Variants in TIPIN observed in about 807,000 individuals in gnomAD.
TIPIN encodes TIMELESS-interacting protein.
A neutral mutation model predicts 35.6 loss-of-function variants in TIPIN; 29 were observed. The observed-to-expected ratio is 0.82, with a 90% CI of 0.61 to 1.11. The LOEUF (loss-of-function observed/expected upper bound fraction) is 1.11, where lower values mean the gene tolerates loss of function less well. Ranked by LOEUF, TIPIN falls within the 50% of genes most tolerant of loss-of-function variation. TIPIN has a pLI of 0.00. For synonymous variants in TIPIN, 102 were observed against 121.5 expected (o/e 0.84, Z 1.06); for missense variants, 296 against 345.4 (o/e 0.86, Z 1.13).
intron 1 of TIPIN, chr15:66,366,882 T>C (rs2093257118): frequency 1.0e-6 from 1 of 983,928 alleles, no homozygotes; most frequent in Non-Finnish European, 1.2e-6. Flanking sequence ...GCAACAGTAA[T>C]AAAATTGGAA....
At chr15:66,348,008 C>CT (rs543925918) in intron 6 of TIPIN, among the ~76,000 whole-genome samples, 13,141 of 135,402 alleles carry the variant, frequency 0.097, 1,698 homozygotes, top group African/African-American at 0.29. Context: ...TTCTTTCTTT[C>CT]TTTTTTTTTT....
intron 1 of TIPIN, among the ~76,000 whole-genome samples, chr15:66,384,868 C>T (rs1420806864): frequency 2.6e-5 from 4 of 151,958 alleles, no homozygotes; most frequent in African/African-American, 7.3e-5. Flanking sequence ...GCCAAGGTTG[C>T]GCCATTGCAC....
intron 7 of TIPIN, among the ~76,000 whole-genome samples, chr15:66,337,877 A>C (rs528158759): frequency 1.3e-5 from 2 of 152,096 alleles, no homozygotes; most frequent in Admixed American, 1.3e-4. Context: ...ACCAAAAAAA[A>C]ACAAAAAAAA....
At chr15:66,355,595 A>G (rs2093198798) in intron 1 of TIPIN, among the ~76,000 whole-genome samples, 1 of 151,478 alleles carries the variant, frequency 6.6e-6, no homozygotes, top group African/African-American at 2.4e-5. Context: ...TAAAAATACA[A>G]AAAAAATTAG....
chr15:66,367,228 GTATCTA>G (rs1458157949), intron 1 of TIPIN, among the ~76,000 whole-genome samples: 32 of 31,546 alleles, frequency 1.0e-3, no homozygotes, highest in African/African-American at 2.0e-3. Flanking sequence ...ATCTATATCT[GTATCTA>G]TATCTATATC....
At chr15:66,370,788 AAAG>A (rs1323148294) in intron 1 of TIPIN, among the ~76,000 whole-genome samples, 5 of 152,308 alleles carry the variant, frequency 3.3e-5, no homozygotes, top group Middle Eastern at 6.8e-3. Context: ...TTTCATAATA[AAAG>A]AATAAAAGAT....
chr15:66,349,758 T>C (rs543866063), intron 4 of TIPIN, among the ~76,000 whole-genome samples: 1 of 152,038 alleles, frequency 6.6e-6, no homozygotes, highest in South Asian at 2.1e-4. Context: ...TGTACACCTG[T>C]GGACCCAGCT....
In TIPIN at chr15:66,336,270, C is replaced by T. The variant is rs949171670; in HGVS notation, c.*688G>A. 6.6e-6 allele frequency: 1 copy of T among 152,210 alleles called. No homozygotes were observed. The highest frequency in any genetic ancestry group is 2.4e-5 in the African/African-American group (1 of 41,438). The allele number at this position is 152,210 out of a possible 1,614,324, so 9.4% of individuals were successfully genotyped here. A position where few individuals can be genotyped will look rare whatever the true frequency, so the allele number is the denominator to read the frequency against. ...TATATGTACATCTCAAAACTTCACCCAGGCTGGGCGCGGTGGCTCACACCT... is the reference window on the plus strand; with the variant it reads ...TATATGTACATCTCAAAACTTCACCTAGGCTGGGCGCGGTGGCTCACACCT... On this transcript the variant is annotated 3_prime_UTR_variant, in exon 8 of 8. Coordinates refer to ENST00000261881, the MANE Select transcript of TIPIN (RefSeq NM_017858.3).
At chr15:66,385,190 C>A (rs2093332254) in intron 1 of TIPIN, among the ~76,000 whole-genome samples, 1 of 152,220 alleles carries the variant, frequency 6.6e-6, no homozygotes, top group African/African-American at 2.4e-5. Context: ...ACGGCTAAGA[C>A]TTTGTGTAGG....
intron 7 of TIPIN, among the ~76,000 whole-genome samples, chr15:66,339,375 T>G (rs2093069740): frequency 6.6e-6 from 1 of 151,516 alleles, no homozygotes; most frequent in Non-Finnish European, 1.5e-5. Flanking sequence ...CCTCCCAAAG[T>G]GCTGGGATTA....
At chr15:66,376,452 C>T (rs369605835) in intron 1 of TIPIN, among the ~76,000 whole-genome samples, 145 of 150,952 alleles carry the variant, frequency 9.6e-4, no homozygotes, top group African/African-American at 3.3e-3. Context: ...GTTTTTGAGA[C>T]GGGGTTTTGC....
chr15:66,359,974 C>T (rs1277667796), upstream of TIPIN, among the ~76,000 whole-genome samples: 2 of 152,078 alleles, frequency 1.3e-5, no homozygotes, highest in Non-Finnish European at 2.9e-5. Flanking sequence ...GTGACACAAT[C>T]ATAGCTCACT....
intron 1 of TIPIN, among the ~76,000 whole-genome samples, chr15:66,376,909 G>C (rs2093298839): frequency 6.6e-6 from 1 of 151,546 alleles, no homozygotes; most frequent in South Asian, 2.1e-4. Context: ...AGGAGTTTGA[G>C]ACCAACCTGG....
At chr15:66,337,596 A>G (rs62625670) in intron 7 of TIPIN, among the ~76,000 whole-genome samples, 2,110 of 152,148 alleles carry the variant, frequency 0.014, 27 homozygotes, top group South Asian at 0.041. Context: ...TCCTGGGATT[A>G]CAGGCGTGAG....
intron 1 of TIPIN, chr15:66,371,493 T>A: frequency 1.6e-6 from 1 of 607,406 alleles, no homozygotes; most frequent in Non-Finnish European, 2.1e-6. Context: ...AGTTTATTTA[T>A]TTTTCTTTTC....
chr15:66,340,411 C>T (rs546569714), intron 7 of TIPIN, among the ~76,000 whole-genome samples: 1 of 147,280 alleles, frequency 6.8e-6, no homozygotes, highest in East Asian at 2.1e-4. Context: ...CTGCTGACCT[C>T]GGGTGATGGC....
chr15:66,366,838 A>C, intron 1 of TIPIN: 1 of 985,020 alleles, frequency 1.0e-6, no homozygotes. Context: ...GCAGTGGACT[A>C]TGTGTGTCCA....
At chr15:66,366,581 G>A (rs184555649) in intron 1 of TIPIN, among the ~76,000 whole-genome samples, 85 of 123,448 alleles carry the variant, frequency 6.9e-4, no homozygotes, top group African/African-American at 2.5e-3. Context: ...GTGAAACCTT[G>A]TCTCTACTAA....
In TIPIN at chr15:66,349,171, T is replaced by C. The variant is rs529957715; in HGVS notation, c.412-48A>G. On this transcript the variant is annotated intron_variant, in intron 5 of 7. Coordinates refer to ENST00000261881, the MANE Select transcript of TIPIN (RefSeq NM_017858.3). ...TATTTTTACCTCTTTACCAATCATGTTGGGGGGAGATAATTTGCTATTACT... is the reference window on the plus strand; with the variant it reads ...TATTTTTACCTCTTTACCAATCATGCTGGGGGGAGATAATTTGCTATTACT... 22 of 1,600,488 alleles carry C rather than the reference T, an allele frequency of 1.4e-5. No homozygotes were observed. The South Asian group carries it at 1.8e-4, about 13-fold the overall frequency.
Sources: allele counts gnomAD v4.1 joint callset (sites outside exome capture counted in the v4.1 genomes callset), GRCh38; gene constraint gnomAD v4.1.1; transcripts MANE v1.5; gene names NCBI Gene and HGNC (gene_info 2026-07-23, HGNC 2026-07-21).